Variants in ANKRD30BL observed in about 807,000 individuals in gnomAD.
The protein encoded by ANKRD30BL is ankyrin repeat domain 30B like.
In ANKRD30BL, 20 loss-of-function variants were observed where a neutral mutation model predicts 18.4. The observed-to-expected ratio is 1.09, with a 90% CI of 0.77 to 1.58. The LOEUF (loss-of-function observed/expected upper bound fraction) is 1.58, where lower values mean the gene tolerates loss of function less well. ANKRD30BL is among the 40% of genes most tolerant of loss of function. ANKRD30BL has a pLI of 0.00. For missense variants in ANKRD30BL, 224 were observed against 268.6 expected (o/e 0.83, Z 1.16); for synonymous variants, 72 against 100.9 (o/e 0.71, Z 1.72).
At chr2:132,166,028 A>G (rs1262366461), upstream of ANKRD30BL, among the ~76,000 whole-genome samples, 1 of 152,136 alleles carries the variant, frequency 6.6e-6, no homozygotes, top group Non-Finnish European at 1.5e-5. Flanking sequence ...CAAATTATAG[A>G]TGGGTGATAG....
chr2:132,238,218 C>G (rs1358095399), intron 1 of ANKRD30BL, among the ~76,000 whole-genome samples: 1 of 151,718 alleles, frequency 6.6e-6, no homozygotes, highest in African/African-American at 2.4e-5. Flanking sequence ...TCGTTTGATA[C>G]AGCAGTTATG....
intron 1 of ANKRD30BL, among the ~76,000 whole-genome samples, chr2:132,251,078 C>T (rs1201096312): frequency 6.6e-6 from 1 of 152,214 alleles, no homozygotes; most frequent in Non-Finnish European, 1.5e-5. Context: ...TGTTCTTCAA[C>T]AATTTCATTA....
At chr2:132,225,119 G>A (rs193116180) in intron 1 of ANKRD30BL, among the ~76,000 whole-genome samples, 6 of 152,086 alleles carry the variant, frequency 3.9e-5, no homozygotes, top group East Asian at 3.9e-4. Context: ...TATTTGGACC[G>A]CTTTGAGGCC....
intron 1 of ANKRD30BL, among the ~76,000 whole-genome samples, chr2:132,206,295 A>G (rs924734917): frequency 6.6e-6 from 1 of 152,208 alleles, no homozygotes. Flanking sequence ...AAACAGCAAC[A>G]CACCACTGGA....
intron 1 of ANKRD30BL, among the ~76,000 whole-genome samples, chr2:132,171,667 C>T (rs953941563): frequency 1.3e-5 from 2 of 152,190 alleles, no homozygotes; most frequent in Non-Finnish European, 2.9e-5. Context: ...ACAAAAAATA[C>T]AGTGCAATTG....
chr2:132,164,281 T>C (rs1336000363), upstream of ANKRD30BL, among the ~76,000 whole-genome samples: 12 of 147,082 alleles, frequency 8.2e-5, no homozygotes, highest in Middle Eastern at 3.5e-3. Flanking sequence ...TTTTTTTTTT[T>C]TTTTTTTTTT....
chr2:132,226,157 G>A (rs80144891), intron 1 of ANKRD30BL, among the ~76,000 whole-genome samples: 1 of 151,962 alleles, frequency 6.6e-6, no homozygotes. Context: ...CCGCTTAGAG[G>A]CCTTCGTTGG....
intron 1 of ANKRD30BL, among the ~76,000 whole-genome samples, chr2:132,218,130 C>G (rs1204714035): frequency 6.6e-6 from 1 of 152,248 alleles, no homozygotes; most frequent in African/African-American, 2.4e-5. Flanking sequence ...CACATAAACT[C>G]TAGACAGAAG....
intron 1 of ANKRD30BL, among the ~76,000 whole-genome samples, chr2:132,209,888 A>G (rs574196653): frequency 0.011 from 1,609 of 152,218 alleles, 26 homozygotes; most frequent in African/African-American, 0.036. Flanking sequence ...GCATTCTGAG[A>G]AACTTCTTTG....
At chr2:132,167,710 T>A (rs1688213197) in intron 1 of ANKRD30BL, among the ~76,000 whole-genome samples, 1 of 152,226 alleles carries the variant, frequency 6.6e-6, no homozygotes, top group Non-Finnish European at 1.5e-5. Context: ...TCACTTCTTT[T>A]AAAAATTTGC....
At chr2:132,150,071 TG>T (rs1199425555) in intron 5 of ANKRD30BL, among the ~76,000 whole-genome samples, 1 of 152,038 alleles carries the variant, frequency 6.6e-6, no homozygotes, top group Non-Finnish European at 1.5e-5. Context: ...TTCAGCTGCA[TG>T]GGGGGATCAG....
intron 1 of ANKRD30BL, among the ~76,000 whole-genome samples, chr2:132,215,483 C>T (rs1679474320): frequency 6.6e-6 from 1 of 152,142 alleles, no homozygotes; most frequent in Admixed American, 6.6e-5. Flanking sequence ...TGCAAATGGA[C>T]ATTTTGTGTG....
At chr2:132,198,848 C>G (rs1229469614) in intron 1 of ANKRD30BL, among the ~76,000 whole-genome samples, 1 of 151,910 alleles carries the variant, frequency 6.6e-6, no homozygotes, top group Non-Finnish European at 1.5e-5. Context: ...GAAATCCTGA[C>G]CTCAGGTGAT....
intron 1 of ANKRD30BL, among the ~76,000 whole-genome samples, chr2:132,257,239 C>T (rs1213803293): frequency 2.6e-5 from 4 of 152,258 alleles, no homozygotes; most frequent in African/African-American, 4.8e-5. Context: ...GGACGCTTCC[C>T]AGGGCCAGGC....
intron 1 of ANKRD30BL, among the ~76,000 whole-genome samples, chr2:132,221,557 C>T (rs1227975002): frequency 7.4e-6 from 1 of 134,916 alleles, no homozygotes; most frequent in East Asian, 2.3e-4. Context: ...GGGGGTCAGC[C>T]CCCCGCCCGG....
At chr2:132,162,158 A>G (rs1177777639), upstream of ANKRD30BL, among the ~76,000 whole-genome samples, 1 of 152,088 alleles carries the variant, frequency 6.6e-6, no homozygotes, top group African/African-American at 2.4e-5. Context: ...CCTCAACCTG[A>G]GATCCAGGAG....
At chr2:132,252,553 G>T (rs1277234467) in intron 1 of ANKRD30BL, among the ~76,000 whole-genome samples, 2 of 150,462 alleles carry the variant, frequency 1.3e-5, no homozygotes, top group Admixed American at 6.6e-5. Context: ...CAGGCAGGGG[G>T]TGGGTGGGCG....
intron 1 of ANKRD30BL, among the ~76,000 whole-genome samples, chr2:132,252,180 C>T (rs965106245): frequency 1.3e-5 from 2 of 152,198 alleles, no homozygotes; most frequent in Admixed American, 6.5e-5. Context: ...AAGTGATTGC[C>T]TACCAGTTAC....
chr2:132,184,682 A>G (rs1207997535), intron 1 of ANKRD30BL, among the ~76,000 whole-genome samples: 1 of 152,104 alleles, frequency 6.6e-6, no homozygotes, highest in East Asian at 1.9e-4. Context: ...GAAGAATGAA[A>G]CGCATCATCC....
Sources: gnomAD v4.1 joint callset for allele counts (sites outside exome capture counted in the v4.1 genomes callset) on GRCh38, gnomAD v4.1.1 for gene constraint, MANE v1.5 for transcripts, NCBI Gene and HGNC (gene_info 2026-07-23, HGNC 2026-07-21) for gene names.